The following UGT1A9 variants were observed in gnomAD, a reference collection of about 807,000 sequenced individuals.
UGT1A9 encodes the protein UDP-glucuronosyltransferase 1A9.
A neutral mutation model predicts 45.0 loss-of-function variants in UGT1A9; 35 were observed. The observed-to-expected ratio is 0.78, with a 90% CI of 0.59 to 1.03. The LOEUF (loss-of-function observed/expected upper bound fraction) is 1.03, where lower values mean the gene tolerates loss of function less well. Ranked by LOEUF, UGT1A9 falls within the 50% of genes least tolerant of loss-of-function variation. The pLI is 0.00. For synonymous variants in UGT1A9, 278 were observed against 250.6 expected (o/e 1.11, Z -1.03); for missense variants, 687 against 666.6 (o/e 1.03, Z -0.34).
intron 1 of UGT1A9, chr2:233,717,836 C>G (rs2076610454): frequency 6.6e-6 from 3 of 455,170 alleles, no homozygotes; most frequent in Non-Finnish European, 1.3e-5. Flanking sequence ...TCTGGAGGAA[C>G]CATTCTTATC....
At chr2:233,719,060 T>C in intron 1 of UGT1A9, 1 of 1,614,258 alleles carries the variant, frequency 6.2e-7, no homozygotes, top group East Asian at 2.2e-5. Flanking sequence ...TGACAGCCTA[T>C]GCTGTTCCAT....
intron 1 of UGT1A9, chr2:233,761,003 A>G: frequency 6.2e-7 from 1 of 1,614,128 alleles, no homozygotes. Context: ...GAATTCCTTC[A>G]GAGAGAGGTG....
intron 1 of UGT1A9, among the ~76,000 whole-genome samples, chr2:233,698,442 C>G (rs2075441449): frequency 1.3e-5 from 2 of 152,140 alleles, no homozygotes; most frequent in African/African-American, 4.8e-5. Flanking sequence ...GAAGATATAT[C>G]ACAGATCATA....
intron 1 of UGT1A9, among the ~76,000 whole-genome samples, chr2:233,726,860 T>G (rs1392432205): frequency 6.6e-6 from 1 of 152,244 alleles, no homozygotes; most frequent in East Asian, 1.9e-4. Context: ...CTCCATAGTC[T>G]TCTATTCTCC....
Position 233,671,995 on chromosome 2 carries a change from G to T in UGT1A9, c.61G>T (p.Gly21Cys), listed in dbSNP as rs1222242952. The T allele has an allele frequency of 6.2e-7, 1 of 1,614,126 alleles. No individual in the cohort carries two copies. The highest frequency in any genetic ancestry group is 8.5e-7 in the Non-Finnish European group (1 of 1,180,000). ...ATGTGTGTGTCTGCTGCTGACCTGT[G>T]GCTTTGCCGAGGCAGGGAAGCTACT... ...PLCVCLLLTC[G>C]FAEAGKLLVV... is the part of the protein sequence containing the mutation. The change falls in exon 1 of 5, where the codon GGC becomes TGC. Residue 21 changes from glycine (G) to cysteine (C), a missense_variant. Transcript: ENST00000354728.
intron 1 of UGT1A9, among the ~76,000 whole-genome samples, chr2:233,707,487 C>G (rs557810076): frequency 6.7e-6 from 1 of 149,442 alleles, no homozygotes; most frequent in East Asian, 2.0e-4. Context: ...ATGATTTTAC[C>G]TGTTTCGGTA....
At chr2:233,755,292 G>A (rs548797616) in intron 1 of UGT1A9, 11 of 646,792 alleles carry the variant, frequency 1.7e-5, no homozygotes, top group Non-Finnish European at 2.6e-5. Context: ...AAGAGCCTGC[G>A]GGGCACTGGC....
At chr2:233,713,262 C>G in intron 1 of UGT1A9, 1 of 1,614,080 alleles carries the variant, frequency 6.2e-7, no homozygotes, top group Non-Finnish European at 8.5e-7. Context: ...CGAATTTGAT[C>G]GCCTTTTGCT....
rs774677126 is a variant in UGT1A9, at chr2:233,772,538, C to T, written c.1572C>T (p.Ala524=). The change falls in exon 5 of 5, where the codon GCC becomes GCT. Residue 524 remains alanine (A), a synonymous_variant. Coordinates refer to ENST00000354728, the MANE Select transcript of UGT1A9 (RefSeq NM_021027.3). ...GGAAAAAAGGGCGAGTTAAGAAAGC[C>T]CACAAATCCAAGACCCATTGAGAAG... ...CLGKKGRVKK[A]HKSKTH is the part of the protein sequence containing the mutation. 4 of 1,614,040 alleles carry T rather than the reference C, an allele frequency of 2.5e-6. No individual in the cohort carries two copies. The highest frequency in any genetic ancestry group is 3.4e-6 in the Non-Finnish European group (4 of 1,179,978).
chr2:233,728,660 C>T (rs557708388), intron 1 of UGT1A9, among the ~76,000 whole-genome samples: 3 of 152,280 alleles, frequency 2.0e-5, no homozygotes, highest in South Asian at 2.1e-4. Context: ...GGATGCGCTG[C>T]GTTACTCATA....
Position 233,772,815 on chromosome 2 carries a change from G to A in UGT1A9, c.*256G>A. 1 of 1,022,382 alleles carries A rather than the reference G, an allele frequency of 9.8e-7. No homozygotes were observed. The highest frequency in any genetic ancestry group is 1.3e-6 in the Non-Finnish European group (1 of 747,412). 63.3% of individuals were successfully genotyped at this position (1,022,382 alleles called of 1,614,324 possible). On this transcript the variant is annotated 3_prime_UTR_variant, in exon 5 of 5. Transcript: ENST00000354728. Reference sequence around the variant, plus strand: ...ACATGTGCCATTTTTCAGAGGACGTGCAGACAGGCTGGCATTCTAGATTAC... The same window carrying A: ...ACATGTGCCATTTTTCAGAGGACGTACAGACAGGCTGGCATTCTAGATTAC...
At chr2:233,695,044 T>C (rs545239838) in intron 1 of UGT1A9, among the ~76,000 whole-genome samples, 1 of 152,338 alleles carries the variant, frequency 6.6e-6, no homozygotes, top group African/African-American at 2.4e-5. Context: ...TTGTTAACCA[T>C]AGTCACCCTA....
chr2:233,750,894 A>C lies in UGT1A9; in HGVS notation c.856-16140A>C, dbSNP rs543579784. 1.2e-3 allele frequency among the ~76,000 whole-genome samples: 186 copies of C among 151,880 alleles called. 5 individuals are homozygous for C. The highest frequency in any genetic ancestry group is 4.3e-3 in the African/African-American group (178 of 41,202). ...TGCATGGATGGAGCCCTTATAGAGAACCTCTGCTAGAGAAGGGTGGTAAAG... is the reference window on the plus strand; with the variant it reads ...TGCATGGATGGAGCCCTTATAGAGACCCTCTGCTAGAGAAGGGTGGTAAAG... On this transcript the variant is annotated intron_variant, in intron 1 of 4. Transcript: ENST00000354728.
At chr2:233,726,064 G>T (rs1467420011) in intron 1 of UGT1A9, among the ~76,000 whole-genome samples, 7 of 152,132 alleles carry the variant, frequency 4.6e-5, no homozygotes, top group Admixed American at 4.6e-4. Flanking sequence ...TACTCAGGAG[G>T]CTGAGGCAGG....
At chr2:233,743,563 C>A (rs546286371) in intron 1 of UGT1A9, 1 of 1,367,296 alleles carries the variant, frequency 7.3e-7, no homozygotes, top group South Asian at 1.1e-5. Flanking sequence ...TATTCTCCAG[C>A]GGGTTTCCCA....
chr2:233,701,495 T>C (rs1430825762), intron 1 of UGT1A9, among the ~76,000 whole-genome samples: 1 of 152,142 alleles, frequency 6.6e-6, no homozygotes, highest in Non-Finnish European at 1.5e-5. Flanking sequence ...CAAGCGGACC[T>C]AATAGACATC....
At chr2:233,762,807 C>T (rs1458193268) in intron 1 of UGT1A9, among the ~76,000 whole-genome samples, 1 of 151,450 alleles carries the variant, frequency 6.6e-6, no homozygotes, top group Non-Finnish European at 1.5e-5. Context: ...GCTATCTCAT[C>T]AAAATATTGA....
At position 233,693,901 on chromosome 2, in the gene UGT1A9, C is replaced by T. The variant is rs780268498; in HGVS notation, c.855+21112C>T. On this transcript the variant is annotated intron_variant, in intron 1 of 4. Transcript: ENST00000354728. ...TTATTTCTTTTGGACTGCCTTGTTT[C>T]TTCCAGGCTCTGTCCTCCCTCACTC... is the stretch of plus-strand genomic sequence containing the variant. The T allele has an allele frequency of 3.7e-6, 6 of 1,613,394 alleles. No homozygotes were observed. The South Asian group carries it at 5.5e-5, about 15-fold the overall frequency.
intron 1 of UGT1A9, chr2:233,761,033 G>A (rs774774935): frequency 1.2e-6 from 2 of 1,614,186 alleles, no homozygotes; most frequent in Non-Finnish European, 1.7e-6. Context: ...GACCTATTGA[G>A]CTCTGCATCT....
Sources: allele counts gnomAD v4.1 joint callset (sites outside exome capture counted in the v4.1 genomes callset), GRCh38; gene constraint gnomAD v4.1.1; transcripts MANE v1.5; gene names NCBI Gene and HGNC (gene_info 2026-07-23, HGNC 2026-07-21).